The following KIF26A variants were observed in gnomAD, a reference collection of about 807,000 sequenced individuals.
KIF26A encodes the protein kinesin family member 26A.
A neutral mutation model predicts 126.0 loss-of-function variants in KIF26A; 74 were observed. That is an observed-to-expected ratio of 0.59 (90% confidence interval 0.49 to 0.71). KIF26A has a LOEUF of 0.71. Ranked by LOEUF, KIF26A falls within the 30% of genes least tolerant of loss-of-function variation. The probability of loss-of-function intolerance (pLI) is 0.00; values close to 1 mark genes in which losing one functional copy is unlikely to be tolerated. For missense variants in KIF26A, 2,984 were observed against 2,763.3 expected (o/e 1.08, Z -1.79); for synonymous variants, 1,445 against 1,232.7 (o/e 1.17, Z -3.61).
chr14:104,145,482 C>T (rs907707358), intron 2 of KIF26A, among the ~76,000 whole-genome samples: 13 of 152,142 alleles, frequency 8.5e-5, no homozygotes, highest in South Asian at 6.2e-4. Context: ...TGTGTAGTCC[C>T]GCCTGGCCCG....
chr14:104,163,686 C>A (rs79488148), intron 4 of KIF26A, among the ~76,000 whole-genome samples: 5 of 151,430 alleles, frequency 3.3e-5, no homozygotes, highest in African/African-American at 4.9e-5. Flanking sequence ...CCAGTGACCC[C>A]GGAACCCCGA....
At chr14:104,177,946 T>G (rs758438108) in intron 12 of KIF26A, 48 bp downstream of exon 12, 2 of 1,443,608 alleles carry the variant, frequency 1.4e-6, no homozygotes, top group Non-Finnish European at 1.8e-6. Context: ...GCTTTCTGTG[T>G]GTAGATGTGC....
In KIF26A at chr14:104,173,152, C is replaced by T. The variant is rs1420506583; in HGVS notation, c.1596C>T (p.Asp532=). The change falls in exon 8 of 15, where the codon GAC becomes GAT. Residue 532 remains aspartate (D), a synonymous_variant. Transcript: ENST00000423312. ...EVCGRDQSLR[D]LLAEVAPGSL... ...GCGGGCGCGACCAGAGCCTGCGGGA[C>T]CTGCTGGCCGAGGTGGCCCCTGGCA... 1.9e-6 allele frequency: 3 copies of T among 1,611,082 alleles called. No individual in the cohort carries two copies. The South Asian group carries it at 3.3e-5, about 18-fold the overall frequency.
At chr14:104,165,685 G>A (rs916970198) in intron 4 of KIF26A, among the ~76,000 whole-genome samples, 2 of 151,596 alleles carry the variant, frequency 1.3e-5, no homozygotes, top group African/African-American at 4.9e-5. Flanking sequence ...ATGCATATGT[G>A]TGACTGTGTG....
chr14:104,167,133 G>C, intron 5 of KIF26A, 85 bp downstream of exon 5: 1 of 1,328,206 alleles, frequency 7.5e-7, no homozygotes, highest in Non-Finnish European at 9.9e-7. Flanking sequence ...GAGTGGAGGG[G>C]CTGCCACTTC....
Position 104,174,972 on chromosome 14 carries a change from C to G in KIF26A, c.2194-10C>G, listed in dbSNP as rs1422913617. The G allele has an allele frequency of 1.3e-6, 2 of 1,516,706 alleles. No individual in the cohort carries two copies. The highest frequency in any genetic ancestry group is 2.0e-5 in the Admixed American group (1 of 49,652). 94.0% of individuals were successfully genotyped at this position (1,516,706 alleles called of 1,614,324 possible). A position where few individuals can be genotyped will look rare whatever the true frequency, so the allele number is the denominator to read the frequency against. On this transcript the variant is annotated splice_polypyrimidine_tract_variant and intron_variant, in intron 11 of 14. Transcript: ENST00000423312. ...GACTGGGCTCGGCAGCTCCACTTTT[C>G]TTCCCCCAGTACGCCTCCAGCTCCT...
At chr14:104,166,811 C>T (rs1245571097) in intron 4 of KIF26A, 48 bp from the exon 5 acceptor site, 1 of 1,469,924 alleles carries the variant, frequency 6.8e-7, no homozygotes, top group Non-Finnish European at 9.1e-7. Flanking sequence ...GTGACAGGAA[C>T]AGCTGCTGTC....
At chr14:104,141,077 G>A (rs2037633280) in intron 2 of KIF26A, among the ~76,000 whole-genome samples, 1 of 152,202 alleles carries the variant, frequency 6.6e-6, no homozygotes, top group Non-Finnish European at 1.5e-5. Flanking sequence ...CCTGTCCCCT[G>A]TGCGGGCCTG....
At position 104,151,424 on chromosome 14, in the gene KIF26A, A is replaced by G. The variant is rs2037728336; in HGVS notation, c.289-591A>G. Among the ~76,000 whole-genome samples, 1 of 152,152 alleles carries G rather than the reference A, an allele frequency of 6.6e-6. No individual in the cohort carries two copies. The highest frequency in any genetic ancestry group is 2.4e-5 in the African/African-American group (1 of 41,424). ...GGGGTGGGGCCCTGGGCTGTACCCGATCCTGCGGCTCTTGCGCCCCTTCGG... is the reference window on the plus strand; with the variant it reads ...GGGGTGGGGCCCTGGGCTGTACCCGGTCCTGCGGCTCTTGCGCCCCTTCGG... On this transcript the variant is annotated intron_variant, in intron 2 of 14. Transcript: ENST00000423312. The surrounding 1 kb of genome is among the most constrained non-coding windows in gnomAD (Gnocchi z 4.9).
At chr14:104,174,913 G>A in intron 11 of KIF26A, 69 bp from the exon 12 acceptor site, 1 of 1,435,148 alleles carries the variant, frequency 7.0e-7, no homozygotes, top group Non-Finnish European at 9.2e-7. Context: ...CCTGTGCTCT[G>A]GGGAGGGTCG....
Position 104,176,293 on chromosome 14 carries a change from C to A in KIF26A, c.3505C>A (p.Pro1169Thr). 1 of 1,583,824 alleles carries A rather than the reference C, an allele frequency of 6.3e-7. No homozygotes were observed. Among genetic ancestry groups the A allele is most frequent in the Non-Finnish European group, 8.6e-7 (1 of 1,162,344 alleles). Residue 1169 changes from proline (P) to threonine (T), a missense_variant, in exon 12 of 15, where the codon CCT becomes ACT. Physicochemically the swap from Pro to Thr is conservative, Grantham distance 38. Transcript: ENST00000423312. The stretch of plus-strand genomic sequence containing the variant: ...CCTGGGGCCAGACAGACCTGACAGT[C>A]CTGGGCCAACCTGGGGTCCGTGCCC... ...GFLGPDRPDS[P>T]GPTWGPCPGE...
chr14:104,165,059 C>G (rs544876757), intron 4 of KIF26A, among the ~76,000 whole-genome samples: 17 of 150,034 alleles, frequency 1.1e-4, no homozygotes, highest in African/African-American at 3.7e-4. Context: ...GTCTGTGTGT[C>G]TCTGTGTTTC....
chr14:104,167,488 G>A (rs1211382417), intron 5 of KIF26A, among the ~76,000 whole-genome samples: 2 of 152,142 alleles, frequency 1.3e-5, no homozygotes, highest in Non-Finnish European at 2.9e-5. Context: ...ATGCGTGATG[G>A]GTTGATTCTG....
In KIF26A at chr14:104,178,648, C is replaced by G. The variant is rs761882209; in HGVS notation, c.5209C>G (p.Pro1737Ala). The G allele has an allele frequency of 6.4e-7, 1 of 1,554,010 alleles. No homozygotes were observed. Among genetic ancestry groups the G allele is most frequent in the East Asian group, 2.4e-5 (1 of 41,192 alleles). Residue 1737 changes from proline to alanine, a missense_variant, in exon 13 of 15, where the codon CCC becomes GCC. By Grantham distance (27) the Pro-to-Ala change is conservative. Transcript: ENST00000423312. Reference sequence around the variant, plus strand: ...CGGGCAGTGGGTGGACCTGCCCCCGCCCCTGGCTGGCTCCCTGAAGGAGCC... The same window carrying G: ...CGGGCAGTGGGTGGACCTGCCCCCGGCCCTGGCTGGCTCCCTGAAGGAGCC... Reference protein sequence around the residue: ...LPGQWVDLPPPLAGSLKEPFE... With the variant: ...LPGQWVDLPPALAGSLKEPFE...
chr14:104,175,987 G>T lies in KIF26A; in HGVS notation c.3199G>T (p.Ala1067Ser). The change falls in exon 12 of 15, where the codon GCC becomes TCC. Residue 1067 changes from alanine (A) to serine (S), a missense_variant. Ala to Ser is a moderately conservative substitution (Grantham distance 99). Transcript: ENST00000423312. ...CAGTGACTGCTCCCTGCGGGCCCTG[G>T]CCTCGGGGTCCCGGCCAGTCAGCAT... ...FDSDCSLRAL[A>S]SGSRPVSIIS... is the part of the protein sequence containing the mutation. The T allele has an allele frequency of 6.3e-7, 1 of 1,580,542 alleles. No individual in the cohort carries two copies. Among genetic ancestry groups the T allele is most frequent in the East Asian group, 2.3e-5 (1 of 43,722 alleles).
rs1163017246 is a variant in KIF26A at position 104,148,481 on chromosome 14, T to G, written c.289-3534T>G. Among the ~76,000 whole-genome samples, 1 of 151,974 alleles carries G rather than the reference T, an allele frequency of 6.6e-6. No individual in the cohort carries two copies. The highest frequency in any genetic ancestry group is 2.4e-5 in the African/African-American group (1 of 41,350). On this transcript the variant is annotated intron_variant, in intron 2 of 14. Transcript: ENST00000423312. This position sits in a 1 kb window ranked among gnomAD's most constrained non-coding sequence, Gnocchi z 4.3. Reference sequence around the variant, plus strand: ...GGCTGGGGCTTTGAGGAGTTCAGATTCCTGAAATTGGGGGGCAGTAACCCG... The same window carrying G: ...GGCTGGGGCTTTGAGGAGTTCAGATGCCTGAAATTGGGGGGCAGTAACCCG...
intron 2 of KIF26A, among the ~76,000 whole-genome samples, chr14:104,145,250 G>A (rs879382610): frequency 2.6e-5 from 4 of 152,232 alleles, no homozygotes; most frequent in Non-Finnish European, 5.9e-5. Context: ...CAGTGTCTCC[G>A]TTTCGTTCAC....
chr14:104,168,334 G>A (rs1485832189), intron 5 of KIF26A, among the ~76,000 whole-genome samples: 1 of 152,200 alleles, frequency 6.6e-6, no homozygotes. Context: ...TGTACTTGCA[G>A]CCCCTGGAAC....
Position 104,173,687 on chromosome 14 carries a change from G to A in KIF26A, c.1868-19G>A. On this transcript the variant is annotated intron_variant, in intron 9 of 14. Transcript: ENST00000423312. Reference sequence around the variant, plus strand: ...GGGGCCCCTGGCTACACCATCATTTGCTTGCCTTGTGGTTCCAGTGTCCGG... The same window carrying A: ...GGGGCCCCTGGCTACACCATCATTTACTTGCCTTGTGGTTCCAGTGTCCGG... 6.2e-7 allele frequency: 1 copy of A among 1,609,594 alleles called. No individual in the cohort carries two copies. The highest frequency in any genetic ancestry group is 8.5e-7 in the Non-Finnish European group (1 of 1,179,050).
Sources: gnomAD v4.1 joint callset for allele counts (sites outside exome capture counted in the v4.1 genomes callset) on GRCh38, gnomAD v4.1.1 for gene constraint, Gnocchi (gnomAD v3.1) non-coding constraint, MANE v1.5 for transcripts, NCBI Gene and HGNC (gene_info 2026-07-23, HGNC 2026-07-21) for gene names.